The following DNM3 variants were observed in gnomAD, a reference collection of about 807,000 sequenced individuals.
DNM3 encodes the protein dynamin 3.
A neutral mutation model predicts 101.6 loss-of-function variants in DNM3; 47 were observed. That is an observed-to-expected ratio of 0.46 (90% CI 0.37 to 0.59). The LOEUF (loss-of-function observed/expected upper bound fraction) is 0.59. Ranked by LOEUF, DNM3 falls within the 20% of genes least tolerant of loss-of-function variation. The probability of loss-of-function intolerance (pLI) is 0.00; values close to 1 mark genes in which losing one functional copy is unlikely to be tolerated. For missense variants in DNM3, 849 were observed against 1,085.7 expected (o/e 0.78, Z 3.06); for synonymous variants, 385 against 387.9 (o/e 0.99, Z 0.09).
chr1:172,202,850 G>T (rs2060199867), intron 14 of DNM3, among the ~76,000 whole-genome samples: 1 of 152,144 alleles, frequency 6.6e-6, no homozygotes, highest in Non-Finnish European at 1.5e-5. Context: ...TTTACTGCTT[G>T]AGAAAAGGTT....
intron 15 of DNM3, among the ~76,000 whole-genome samples, chr1:172,267,647 G>C (rs895847386): frequency 1.3e-5 from 2 of 151,668 alleles, no homozygotes; most frequent in Non-Finnish European, 2.9e-5. Flanking sequence ...TTTGTAGATA[G>C]CTACACTAAG....
At chr1:172,281,513 C>T (rs920345121) in intron 15 of DNM3, among the ~76,000 whole-genome samples, 1 of 152,140 alleles carries the variant, frequency 6.6e-6, no homozygotes, top group African/African-American at 2.4e-5. Flanking sequence ...GAAGGAAACA[C>T]ATTTCCTGGA....
At position 172,188,330 on chromosome 1, in the gene DNM3, C is replaced by T. The variant is rs372434045; in HGVS notation, c.1659+57042C>T. 2.4e-3 allele frequency among the ~76,000 whole-genome samples: 365 copies of T among 152,202 alleles called. 1 individual carries two copies. Among genetic ancestry groups the T allele is most frequent in the African/African-American group, 8.1e-3 (338 of 41,570 alleles). ...TTAGGCTCAGGTGGTTTTCCTGCTT[C>T]AGCCTCCTGAGTAGCTGGGAATCCA... On this transcript the variant is annotated intron_variant, in intron 14 of 20. Transcript: ENST00000627582.
intron 15 of DNM3, among the ~76,000 whole-genome samples, chr1:172,262,712 C>A (rs2062709358): frequency 6.6e-6 from 1 of 152,132 alleles, no homozygotes; most frequent in African/African-American, 2.4e-5. Context: ...ATGGAAGAGG[C>A]AAATACCAGA....
chr1:172,402,340 T>C (rs990791450), intron 20 of DNM3, among the ~76,000 whole-genome samples: 1 of 152,196 alleles, frequency 6.6e-6, no homozygotes, highest in Non-Finnish European at 1.5e-5. Context: ...TAGTGGCCCT[T>C]GGAAACCTGG....
chr1:172,178,249 C>T (rs1229429391), intron 14 of DNM3, among the ~76,000 whole-genome samples: 1 of 151,852 alleles, frequency 6.6e-6, no homozygotes, highest in Non-Finnish European at 1.5e-5. Context: ...GGTTATGTGG[C>T]ATATGGCTGT....
intron 16 of DNM3, among the ~76,000 whole-genome samples, chr1:172,320,716 C>A (rs2065669713): frequency 6.6e-6 from 1 of 152,046 alleles, no homozygotes; most frequent in African/African-American, 2.4e-5. Context: ...GCTAAGCAAG[C>A]CGAGTTATTT....
At chr1:172,003,258 A>C (rs1421439722) in intron 4 of DNM3, among the ~76,000 whole-genome samples, 3 of 152,036 alleles carry the variant, frequency 2.0e-5, no homozygotes, top group Non-Finnish European at 4.4e-5. Flanking sequence ...AAAGACATTA[A>C]AACACAATTA....
chr1:172,029,529 C>A (rs1435961645), intron 4 of DNM3, among the ~76,000 whole-genome samples: 1 of 152,130 alleles, frequency 6.6e-6, no homozygotes, highest in African/African-American at 2.4e-5. Flanking sequence ...CACTCCTATT[C>A]AACATAGCAT....
At chr1:171,875,417 C>G (rs776956115) in intron 1 of DNM3, among the ~76,000 whole-genome samples, 5 of 152,174 alleles carry the variant, frequency 3.3e-5, no homozygotes, top group Non-Finnish European at 7.4e-5. Context: ...TTTCATTGAA[C>G]TCATTGTGCT....
At chr1:171,871,206 C>T (rs193215289) in intron 1 of DNM3, among the ~76,000 whole-genome samples, 2 of 152,274 alleles carry the variant, frequency 1.3e-5, no homozygotes, top group Admixed American at 1.3e-4. Context: ...GCTCACCACT[C>T]TATACTCAAC....
intron 4 of DNM3, among the ~76,000 whole-genome samples, chr1:171,990,691 A>C (rs1314740171): frequency 2.6e-5 from 4 of 152,118 alleles, no homozygotes; most frequent in African/African-American, 9.7e-5. Flanking sequence ...AGGAGCCTTC[A>C]GCCAATTCTT....
At position 172,002,176 on chromosome 1, in the gene DNM3, C is replaced by T. The variant is rs1024369023; in HGVS notation, c.589+13028C>T. The stretch of plus-strand genomic sequence containing the variant: ...ACCAATTTAACAAATGTAATAGATG[C>T]TAATTAATTGCATTGAGCGCCCAAA... On this transcript the variant is annotated intron_variant, in intron 4 of 20. Coordinates refer to ENST00000627582, the MANE Select transcript of DNM3 (RefSeq NM_015569.5). 2.0e-5 allele frequency among the ~76,000 whole-genome samples: 3 copies of T among 151,974 alleles called. No homozygotes were observed. The East Asian group carries it at 5.8e-4, about 29-fold the overall frequency.
rs1238971087 is a variant in DNM3, at chr1:172,410,500, T to C, written c.*2659T>C. ...TAAATGTTTATTTGATAGGTAAATATAGTTTTATTGTCACATGCTAAATAT... is the reference window on the plus strand; with the variant it reads ...TAAATGTTTATTTGATAGGTAAATACAGTTTTATTGTCACATGCTAAATAT... On this transcript the variant is annotated 3_prime_UTR_variant, in exon 21 of 21. Coordinates refer to ENST00000627582, the MANE Select transcript of DNM3 (RefSeq NM_015569.5). 1.0e-6 allele frequency: 1 copy of C among 982,868 alleles called. No homozygotes were observed. Among genetic ancestry groups the C allele is most frequent in the Non-Finnish European group, 1.2e-6 (1 of 828,356 alleles). 60.9% of individuals were successfully genotyped at this position (982,868 alleles called of 1,614,324 possible).
At chr1:172,210,675 AT>A (rs952904751) in intron 14 of DNM3, among the ~76,000 whole-genome samples, 18 of 152,094 alleles carry the variant, frequency 1.2e-4, no homozygotes, top group African/African-American at 4.1e-4. Context: ...CTTTTCTTTC[AT>A]TTTTTTATTT....
chr1:172,162,326 T>A (rs2148294752), intron 14 of DNM3, among the ~76,000 whole-genome samples: 1 of 152,188 alleles, frequency 6.6e-6, no homozygotes, highest in Admixed American at 6.6e-5. Context: ...GAATGCATGA[T>A]TTATAAGTTC....
At chr1:172,369,823 C>T (rs1043086425) in intron 17 of DNM3, among the ~76,000 whole-genome samples, 2 of 151,828 alleles carry the variant, frequency 1.3e-5, no homozygotes, top group Non-Finnish European at 2.9e-5. Flanking sequence ...GTGGGTTAAG[C>T]AAGATAAATG....
chr1:172,187,167 A>T (rs1463333678), intron 14 of DNM3, among the ~76,000 whole-genome samples: 3 of 151,986 alleles, frequency 2.0e-5, no homozygotes, highest in African/African-American at 7.2e-5. Context: ...TTTTCTTTGC[A>T]TGAGAGTCTG....
At chr1:172,063,128 A>T (rs1273403100) in intron 10 of DNM3, among the ~76,000 whole-genome samples, 1 of 152,194 alleles carries the variant, frequency 6.6e-6, no homozygotes, top group Admixed American at 6.5e-5. Context: ...CAATCAAGTC[A>T]AGTGATATGT....
Sources: allele counts gnomAD v4.1 joint callset (sites outside exome capture counted in the v4.1 genomes callset), GRCh38; gene constraint gnomAD v4.1.1; transcripts MANE v1.5; gene names NCBI Gene and HGNC (gene_info 2026-07-23, HGNC 2026-07-21).